The following E2F3 variants were observed in gnomAD, a reference collection of about 807,000 sequenced individuals.
E2F3 encodes the protein transcription factor E2F3.
In E2F3, 11 loss-of-function variants were observed where a neutral mutation model predicts 44.4. That is an observed-to-expected ratio of 0.25 (90% CI 0.16 to 0.41). E2F3 has a LOEUF of 0.41. E2F3 is among the 10% of genes least tolerant of loss of function. E2F3 has a pLI of 1.00. For missense variants in E2F3, 487 were observed against 583.6 expected, an observed-to-expected ratio of 0.83 and a Z score of 1.70; for synonymous variants, 249 against 253.0, an observed-to-expected ratio of 0.98 and a Z score of 0.15.
At chr6:20,450,510 C>T (rs769893216) in intron 1 of E2F3, among the ~76,000 whole-genome samples, 1 of 151,792 alleles carries the variant, frequency 6.6e-6, no homozygotes, top group East Asian at 1.9e-4. Flanking sequence ...AGTTTCTTAC[C>T]GATGCTGGAT....
chr6:20,478,359 A>G (rs1762112466), intron 1 of E2F3, among the ~76,000 whole-genome samples: 1 of 152,238 alleles, frequency 6.6e-6, no homozygotes, highest in South Asian at 2.1e-4. Context: ...GTATTTTACA[A>G]TTATAGCACA....
At chr6:20,430,517 T>C (rs1195624996) in intron 1 of E2F3, among the ~76,000 whole-genome samples, 2 of 152,220 alleles carry the variant, frequency 1.3e-5, no homozygotes, top group Admixed American at 6.5e-5. Flanking sequence ...AGCACATTTA[T>C]TGGTCTTAAA....
rs4134956 is a variant in E2F3, at chr6:20,485,534, G to C, written c.885-1155G>C. On this transcript the variant is annotated intron_variant, in intron 4 of 6. Coordinates refer to ENST00000346618, the MANE Select transcript of E2F3 (RefSeq NM_001949.5). ...ACGGAGGTTGCAGTGAGCTGAGATT[G>C]GGCCACTGAACTCCAGCCTGGGTGA... 3.1e-3 allele frequency among the ~76,000 whole-genome samples: 479 copies of C among 152,240 alleles called. 5 individuals are homozygous for C. The highest frequency in any genetic ancestry group is 0.011 in the African/African-American group (443 of 41,526).
At chr6:20,464,467 A>T (rs1581633200) in intron 1 of E2F3, among the ~76,000 whole-genome samples, 1 of 152,148 alleles carries the variant, frequency 6.6e-6, no homozygotes, top group African/African-American at 2.4e-5. Flanking sequence ...TCCCCATTAC[A>T]GTGTTCCTGT....
chr6:20,445,456 T>A (rs1450616817), intron 1 of E2F3, among the ~76,000 whole-genome samples: 3 of 152,116 alleles, frequency 2.0e-5, no homozygotes, highest in African/African-American at 7.2e-5. Context: ...GCCAGGCTGG[T>A]CTCGAATTCC....
chr6:20,424,713 T>C (rs1760154932), intron 1 of E2F3, among the ~76,000 whole-genome samples: 1 of 152,154 alleles, frequency 6.6e-6, no homozygotes, highest in Non-Finnish European at 1.5e-5. Flanking sequence ...CTCTCTGCAC[T>C]TATTAGATAG....
chr6:20,452,926 CCTGGTGA>C (rs1761179442), intron 1 of E2F3, among the ~76,000 whole-genome samples: 1 of 152,116 alleles, frequency 6.6e-6, no homozygotes, highest in African/African-American at 2.4e-5. Context: ...TGTACTCCAG[CCTGGTGA>C]CAGAGTGAGA....
At chr6:20,453,189 G>T (rs953284423) in intron 1 of E2F3, among the ~76,000 whole-genome samples, 1 of 151,764 alleles carries the variant, frequency 6.6e-6, no homozygotes, top group Non-Finnish European at 1.5e-5. Flanking sequence ...TATTTGTGGG[G>T]TTTTTTTGGT....
At chr6:20,486,122 C>T (rs1581659853) in intron 4 of E2F3, among the ~76,000 whole-genome samples, 1 of 152,176 alleles carries the variant, frequency 6.6e-6, no homozygotes, top group Admixed American at 6.5e-5. Context: ...TTTATTTTAA[C>T]TGTTCTGTTT....
intron 1 of E2F3, among the ~76,000 whole-genome samples, chr6:20,456,068 A>G (rs1761299409): frequency 6.6e-6 from 1 of 152,272 alleles, no homozygotes. Flanking sequence ...CTGTAATCTC[A>G]TAAGTTTCTG....
intron 1 of E2F3, among the ~76,000 whole-genome samples, chr6:20,421,274 G>A (rs1346961410): frequency 1.3e-5 from 2 of 152,194 alleles, no homozygotes; most frequent in Admixed American, 1.3e-4. Context: ...TTAACCATGA[G>A]TGTTGATATT....
At position 20,409,531 on chromosome 6, in the gene E2F3, G is replaced by T. The variant is rs114010452; in HGVS notation, c.393+6906G>T. On this transcript the variant is annotated intron_variant, in intron 1 of 6. Transcript: ENST00000346618. ...GCCCCTCTGGTAGTAACGGAGTTTT[G>T]TCCTGGGCCACCAACATCCTGAGTG... 4.8e-3 allele frequency among the ~76,000 whole-genome samples: 734 copies of T among 152,278 alleles called. 7 individuals carry two copies. Among genetic ancestry groups the T allele is most frequent in the African/African-American group, 0.017 (691 of 41,552 alleles).
intron 1 of E2F3, among the ~76,000 whole-genome samples, chr6:20,470,699 T>A (rs12198942): frequency 1.2e-4 from 18 of 151,984 alleles, no homozygotes; most frequent in South Asian, 2.1e-4. Context: ...TTTCCTGATC[T>A]CCTATTAACT....
chr6:20,432,646 A>G (rs567073031), intron 1 of E2F3, among the ~76,000 whole-genome samples: 1 of 152,138 alleles, frequency 6.6e-6, no homozygotes, highest in Admixed American at 6.5e-5. Flanking sequence ...TGATTGAGAG[A>G]TGGATGTGGT....
At chr6:20,419,958 C>T (rs915920665) in intron 1 of E2F3, among the ~76,000 whole-genome samples, 3 of 152,178 alleles carry the variant, frequency 2.0e-5, no homozygotes, top group Non-Finnish European at 4.4e-5. Flanking sequence ...CTCTGCTTCC[C>T]GGGCTCAAGT....
intron 1 of E2F3, among the ~76,000 whole-genome samples, chr6:20,449,451 T>G (rs1259858938): frequency 1.3e-5 from 2 of 152,164 alleles, no homozygotes; most frequent in Non-Finnish European, 2.9e-5. Context: ...AATAAGCTTT[T>G]CAGACACTCT....
chr6:20,417,426 T>C (rs565834623), intron 1 of E2F3, among the ~76,000 whole-genome samples: 2 of 152,304 alleles, frequency 1.3e-5, no homozygotes, highest in South Asian at 2.1e-4. Flanking sequence ...AATACCATAA[T>C]GTAAATTGTA....
At chr6:20,404,862 C>T (rs192240324) in intron 1 of E2F3, among the ~76,000 whole-genome samples, 1 of 152,216 alleles carries the variant, frequency 6.6e-6, no homozygotes, top group Non-Finnish European at 1.5e-5. Flanking sequence ...CTCTTACTGA[C>T]TTGACCTAAG....
At chr6:20,421,963 A>G (rs1158777901) in intron 1 of E2F3, 1 of 152,224 alleles carries the variant, frequency 6.6e-6, no homozygotes, top group African/African-American at 2.4e-5. Context: ...AATGTCACCA[A>G]TTGCATTAGC....
Sources: allele counts gnomAD v4.1 joint callset (sites outside exome capture counted in the v4.1 genomes callset), GRCh38; gene constraint gnomAD v4.1.1; transcripts MANE v1.5; gene names NCBI Gene and HGNC (gene_info 2026-07-23, HGNC 2026-07-21).